Variants in ABCA12 observed in about 807,000 individuals in gnomAD.
ABCA12 encodes the protein ATP binding cassette subfamily A member 12.
In ABCA12, 156 loss-of-function variants were observed where a neutral mutation model predicts 293.5. The observed-to-expected ratio is 0.53, with a 90% CI of 0.47 to 0.61. The LOEUF (loss-of-function observed/expected upper bound fraction) is 0.61. Among genes scored for constraint, ABCA12 ranks in the 20% least tolerant of loss-of-function variants. The pLI is 0.00. For synonymous variants in ABCA12, 1,063 were observed against 1,108.0 expected (o/e 0.96, Z 0.81); for missense variants, 2,797 against 3,090.2 (o/e 0.91, Z 2.25).
chr2:215,005,721 C>A (rs558206151), intron 19 of ABCA12, among the ~76,000 whole-genome samples: 6 of 152,290 alleles, frequency 3.9e-5, no homozygotes, highest in African/African-American at 1.2e-4. Flanking sequence ...AATCATATGA[C>A]ATCTAATAAT....
In ABCA12 at chr2:214,989,343, C is replaced by T; in HGVS notation, c.3815G>A (p.Arg1272Lys). The T allele has an allele frequency of 6.2e-7, 1 of 1,612,954 alleles. No homozygotes were observed. The highest frequency in any genetic ancestry group is 8.5e-7 in the Non-Finnish European group (1 of 1,179,746). Reference protein sequence around the residue: ...FIYFLIAWYVRNVFPGTYGMA... With the variant: ...FIYFLIAWYVKNVFPGTYGMA... ...CACATTCATACCTGGGAAGACATTCCTGACATACCAAGCAATAAGGAAATA... is the reference window on the plus strand; with the variant it reads ...CACATTCATACCTGGGAAGACATTCTTGACATACCAAGCAATAAGGAAATA... The change falls in exon 26 of 53, where the codon AGG becomes AAG. Residue 1272 changes from arginine to lysine, a missense_variant. Arg to Lys is a conservative substitution (Grantham distance 26). Around this residue, in one of 3 missense-constraint regions of ABCA12, gnomAD observed 2,130 missense variants for 2,427.0 expected, o/e 0.88. Coordinates refer to ENST00000272895, the MANE Select transcript of ABCA12 (RefSeq NM_173076.3).
intron 7 of ABCA12, among the ~76,000 whole-genome samples, chr2:215,043,774 G>A (rs965937164): frequency 3.3e-5 from 5 of 151,970 alleles, no homozygotes; most frequent in African/African-American, 1.2e-4. Context: ...TAACCACCAT[G>A]CCAATTAAGA....
rs1396190298 is a variant in ABCA12 at position 215,004,265 on chromosome 2, A to T, written c.2627T>A (p.Val876Glu). Reference protein sequence around the residue: ...TLRNPFVQVFVKFSVGLDAVE... With the variant: ...TLRNPFVQVFEKFSVGLDAVE... ...AGCATCGAGTCCCACGGAGAACTTT[A>T]CAAAAACTTGCACAAAAGGGTTCCT... Residue 876 changes from valine (V) to glutamate (E), a missense_variant, in exon 20 of 53, where the codon GTA becomes GAA. Around this residue, in one of 3 missense-constraint regions of ABCA12, gnomAD observed 2,130 missense variants for 2,427.0 expected, o/e 0.88. Transcript: ENST00000272895. 1 of 1,613,896 alleles carries T rather than the reference A, an allele frequency of 6.2e-7. No individual in the cohort carries two copies. Among genetic ancestry groups the T allele is most frequent in the Admixed American group, 1.7e-5 (1 of 60,028 alleles).
At chr2:214,954,159 G>A (rs1198767403) in intron 43 of ABCA12, 52 bp from the exon 44 acceptor site, 1 of 1,594,420 alleles carries the variant, frequency 6.3e-7, no homozygotes, top group South Asian at 1.1e-5. Context: ...CCAAAAAGCT[G>A]ACAAAAATTT....
At chr2:214,977,370 A>T (rs1033935962) in intron 33 of ABCA12, among the ~76,000 whole-genome samples, 1 of 152,178 alleles carries the variant, frequency 6.6e-6, no homozygotes, top group Non-Finnish European at 1.5e-5. Context: ...TATATTCCCC[A>T]AAAGAAAAGA....
Position 215,039,940 on chromosome 2 carries a change from G to A in ABCA12, c.873-2875C>T, listed in dbSNP as rs542109992. On this transcript the variant is annotated intron_variant, in intron 7 of 52. Coordinates refer to ENST00000272895, the MANE Select transcript of ABCA12 (RefSeq NM_173076.3). Reference sequence around the variant, plus strand: ...GTCTCCAAACTTATGGGGCATCTCAGTGCAGATGCTAAATTTTAATTGAAA... The same window carrying A: ...GTCTCCAAACTTATGGGGCATCTCAATGCAGATGCTAAATTTTAATTGAAA... Among the ~76,000 whole-genome samples the A allele has an allele frequency of 5.3e-5, 8 of 152,154 alleles. No individual in the cohort carries two copies. In the South Asian group the frequency reaches 1.7e-3, roughly 32 times the overall value.
intron 2 of ABCA12, chr2:215,085,569 T>C (rs966918835): frequency 6.6e-6 from 1 of 152,234 alleles, no homozygotes; most frequent in African/African-American, 2.4e-5. Context: ...AATTTTATAA[T>C]GGGATTTATT....
intron 1 of ABCA12, among the ~76,000 whole-genome samples, chr2:215,123,839 G>T (rs1702861595): frequency 6.6e-6 from 1 of 152,022 alleles, no homozygotes; most frequent in Admixed American, 6.6e-5. Flanking sequence ...GTTCTTTAGT[G>T]GTGATTTGTG....
chr2:214,939,259 G>A (rs1698319638), intron 50 of ABCA12, among the ~76,000 whole-genome samples: 1 of 152,146 alleles, frequency 6.6e-6, no homozygotes, highest in Non-Finnish European at 1.5e-5. Context: ...CTTTGTCAAA[G>A]ATCAGATGGT....
intron 23 of ABCA12, 103 bp from the exon 24 acceptor site, chr2:214,991,134 T>C (rs751999703): frequency 2.0e-6 from 2 of 1,023,146 alleles, no homozygotes; most frequent in Non-Finnish European, 1.5e-6. Context: ...TCTCTGTATA[T>C]GGAACTAGGC....
chr2:215,058,167 C>T (rs1701456577), intron 3 of ABCA12, among the ~76,000 whole-genome samples: 1 of 151,952 alleles, frequency 6.6e-6, no homozygotes, highest in African/African-American at 2.4e-5. Flanking sequence ...TCTATTAGCC[C>T]AGTGGTTTTC....
intron 1 of ABCA12, among the ~76,000 whole-genome samples, chr2:215,127,445 T>C (rs1702951110): frequency 6.6e-6 from 1 of 152,148 alleles, no homozygotes; most frequent in Non-Finnish European, 1.5e-5. Context: ...TTATGTCTAT[T>C]AGTAATTGTT....
rs556579399 is a variant in ABCA12 at position 215,101,937 on chromosome 2, C to A, written c.163+9660G>T. ...AGAATTCCCAATCCAGCCACCAGCT[C>A]CTACTCCTTAAAACCATCTCCCACA... On this transcript the variant is annotated intron_variant, in intron 2 of 52. Coordinates refer to ENST00000272895, the MANE Select transcript of ABCA12 (RefSeq NM_173076.3). 1.5e-3 allele frequency among the ~76,000 whole-genome samples: 231 copies of A among 152,308 alleles called. 2 individuals are homozygous for A. The highest frequency in any genetic ancestry group is 2.8e-3 in the Non-Finnish European group (191 of 68,028).
At chr2:215,011,920 A>G in intron 16 of ABCA12, 51 bp downstream of exon 16, 2 of 1,582,878 alleles carry the variant, frequency 1.3e-6, no homozygotes, top group Non-Finnish European at 8.7e-7. Context: ...TAACTACTCA[A>G]TATGACAGAA....
chr2:214,942,979 A>G lies in ABCA12; in HGVS notation c.7382T>C (p.Ile2461Thr). ...ECEALCTRLA[I>T]MVNGKFQCIG... ...ACATTGAAACTTTCCATTCACCATAATGGCCAACCTGGTACAGAGAGCTTC... is the reference window on the plus strand; with the variant it reads ...ACATTGAAACTTTCCATTCACCATAGTGGCCAACCTGGTACAGAGAGCTTC... Residue 2461 changes from isoleucine to threonine, a missense_variant, in exon 50 of 53, where the codon ATT (isoleucine) becomes ACT (threonine). By Grantham distance (89) the Ile-to-Thr change is moderately conservative. Around this residue, in one of 3 missense-constraint regions of ABCA12, gnomAD observed 2,130 missense variants for 2,427.0 expected, o/e 0.88. Coordinates refer to ENST00000272895, the MANE Select transcript of ABCA12 (RefSeq NM_173076.3). 6 of 1,613,560 alleles carry G rather than the reference A, an allele frequency of 3.7e-6. No individual in the cohort carries two copies. Among genetic ancestry groups the G allele is most frequent in the Non-Finnish European group, 5.1e-6 (6 of 1,179,808 alleles).
chr2:215,122,311 T>C (rs1011503116), intron 1 of ABCA12, among the ~76,000 whole-genome samples: 3 of 152,190 alleles, frequency 2.0e-5, no homozygotes, highest in African/African-American at 7.2e-5. Flanking sequence ...GAGTAAATGA[T>C]ACCAATTCAG....
chr2:214,999,830 T>C, intron 22 of ABCA12: 3 of 984,612 alleles, frequency 3.0e-6, no homozygotes, highest in Non-Finnish European at 2.4e-6. Flanking sequence ...CATTACCTCA[T>C]CTCATTTATA....
At chr2:215,072,957 T>C (rs1286119850) in intron 2 of ABCA12, among the ~76,000 whole-genome samples, 1 of 152,136 alleles carries the variant, frequency 6.6e-6, no homozygotes, top group East Asian at 1.9e-4. Flanking sequence ...TAGCTGGGCA[T>C]GGTGGCAGGC....
chr2:214,957,112 A>G (rs1698975633), intron 41 of ABCA12, among the ~76,000 whole-genome samples: 1 of 152,156 alleles, frequency 6.6e-6, no homozygotes, highest in African/African-American at 2.4e-5. Flanking sequence ...GTATCTTGGT[A>G]TTACATTCAG....
Sources: allele counts gnomAD v4.1 joint callset (sites outside exome capture counted in the v4.1 genomes callset), GRCh38; gene constraint gnomAD v4.1.1; regional missense constraint gnomAD v4.1.1; transcripts MANE v1.5; gene names NCBI Gene and HGNC (gene_info 2026-07-23, HGNC 2026-07-21).